Variants in COPB1 observed in about 807,000 individuals in gnomAD.
COPB1 encodes the protein coat protein complex I subunit beta 1.
A neutral mutation model predicts 108.7 loss-of-function variants in COPB1; 21 were observed. The observed-to-expected ratio is 0.19, with a 90% CI of 0.14 to 0.28. The LOEUF is 0.28. Ranked by LOEUF, COPB1 falls within the 10% of genes least tolerant of loss-of-function variation. The pLI is 1.00. For missense variants in COPB1, 919 were observed against 1,141.3 expected (o/e 0.81, Z 2.81); for synonymous variants, 378 against 386.8 (o/e 0.98, Z 0.27).
At chr11:14,486,223 T>A (rs944597980) in intron 7 of COPB1, 144 bp downstream of exon 7, 1 of 923,136 alleles carries the variant, frequency 1.1e-6, no homozygotes, top group Non-Finnish European at 1.7e-6. Context: ...GGCTGAACAA[T>A]GTAAGGCATC....
At chr11:14,478,240 T>A (rs755824224) in intron 11 of COPB1, among the ~76,000 whole-genome samples, 5 of 151,758 alleles carry the variant, frequency 3.3e-5, no homozygotes, top group Non-Finnish European at 7.4e-5. Context: ...TAGGACACAG[T>A]GAAGGCAAAT....
chr11:14,481,542 C>G (rs1850658892), intron 8 of COPB1, among the ~76,000 whole-genome samples: 1 of 152,106 alleles, frequency 6.6e-6, no homozygotes, highest in Admixed American at 6.5e-5. Flanking sequence ...TACATGGTCA[C>G]AAAATGGGCA....
At chr11:14,471,055 A>C (rs1850392385) in intron 14 of COPB1, among the ~76,000 whole-genome samples, 1 of 152,142 alleles carries the variant, frequency 6.6e-6, no homozygotes, top group Non-Finnish European at 1.5e-5. Context: ...AAAACAGAAG[A>C]CTTAGAATCC....
At position 14,475,882 on chromosome 11, in the gene COPB1, T is replaced by C. The variant is rs770362933; in HGVS notation, c.1519A>G (p.Thr507Ala). The stretch of plus-strand genomic sequence containing the variant: ...ACCAATTTCTGAACTGGCCCTACAG[T>C]TATTTCTTCTTCAGGTTTTAATTCA... ...AGELKPEEEI[T>A]VGPVQKLVTE... Residue 507 changes from threonine to alanine, a missense_variant, in exon 13 of 22, where the codon ACT becomes GCT. Thr to Ala is a moderately conservative substitution (Grantham distance 58, BLOSUM62 0). Transcript: ENST00000439561. The C allele has an allele frequency of 1.9e-6, 3 of 1,612,910 alleles. No homozygotes were observed. Among genetic ancestry groups the C allele is most frequent in the East Asian group, 2.2e-5 (1 of 44,846 alleles).
chr11:14,492,531 C>T (rs958742463), intron 4 of COPB1, among the ~76,000 whole-genome samples: 2 of 151,236 alleles, frequency 1.3e-5, no homozygotes, highest in Admixed American at 6.6e-5. Context: ...TTAGTAGAGA[C>T]GGGGTTTCTC....
At chr11:14,481,842 G>A (rs893954216) in intron 8 of COPB1, among the ~76,000 whole-genome samples, 2 of 152,022 alleles carry the variant, frequency 1.3e-5, no homozygotes, top group African/African-American at 2.4e-5. Context: ...AGGCTGGAGT[G>A]CAGTGGCAAG....
intron 8 of COPB1, 131 bp downstream of exon 8, chr11:14,482,901 A>G: frequency 2.7e-6 from 2 of 738,630 alleles, no homozygotes; most frequent in Non-Finnish European, 4.1e-6. Context: ...AATAGTTAAC[A>G]CTTTAGCTGA....
At position 14,479,712 on chromosome 11, in the gene COPB1, T is replaced by C. The variant is rs1228509739; in HGVS notation, c.1215A>G (p.Leu405=). ...PDMAANVIPV[L]MEFLSDNNEA... ...CGTTGTTGTCACTGAGAAATTCCAT[T>C]AACTAAAAGAAAAAAAAAAAAAAGA... Residue 405 remains leucine, a splice_region_variant and synonymous_variant, in exon 11 of 22, where the codon TTA becomes TTG. Transcript: ENST00000439561. The C allele has an allele frequency of 6.5e-7, 1 of 1,533,000 alleles. No individual in the cohort carries two copies. Among genetic ancestry groups the C allele is most frequent in the Admixed American group, 2.2e-5 (1 of 44,540 alleles). 95.0% of individuals were successfully genotyped at this position (1,533,000 alleles called of 1,614,324 possible).
chr11:14,459,347 A>G (rs1281282433), intron 20 of COPB1, among the ~76,000 whole-genome samples: 1 of 152,244 alleles, frequency 6.6e-6, no homozygotes, highest in Non-Finnish European at 1.5e-5. Context: ...AAACTAATAT[A>G]TAAATTAAAA....
intron 5 of COPB1, 76 bp downstream of exon 5, chr11:14,490,489 C>A (rs1850873628): frequency 2.6e-6 from 2 of 777,448 alleles, no homozygotes; most frequent in East Asian, 3.0e-5. Flanking sequence ...TGACTAAAAA[C>A]ATGATTAAGT....
At chr11:14,470,413 C>G (rs1210923576) in intron 14 of COPB1, among the ~76,000 whole-genome samples, 1 of 152,166 alleles carries the variant, frequency 6.6e-6, no homozygotes, top group Non-Finnish European at 1.5e-5. Flanking sequence ...TTATACTGCA[C>G]CAATCATTTC....
At chr11:14,469,216 C>CA (rs1850352173) in intron 15 of COPB1, 120 bp downstream of exon 15, 3 of 827,320 alleles carry the variant, frequency 3.6e-6, no homozygotes, top group Non-Finnish European at 6.0e-6. Context: ...ACACTGGTCT[C>CA]AAACACCTGG....
intron 7 of COPB1, among the ~76,000 whole-genome samples, chr11:14,484,673 C>G (rs1850732634): frequency 6.6e-6 from 1 of 152,014 alleles, no homozygotes; most frequent in Non-Finnish European, 1.5e-5. Flanking sequence ...AGCCAAGATC[C>G]CACCAGTATC....
intron 14 of COPB1, among the ~76,000 whole-genome samples, chr11:14,470,231 T>TTA (rs2134101733): frequency 6.6e-6 from 1 of 152,342 alleles, no homozygotes; most frequent in East Asian, 1.9e-4. Flanking sequence ...CGCACTAACT[T>TTA]TTTTAAAGAA....
At chr11:14,472,147 T>G (rs1161905365) in intron 14 of COPB1, among the ~76,000 whole-genome samples, 2 of 152,186 alleles carry the variant, frequency 1.3e-5, no homozygotes. Flanking sequence ...CCACAAATGT[T>G]CTATGGATTC....
At chr11:14,484,668 A>G (rs543901643) in intron 7 of COPB1, among the ~76,000 whole-genome samples, 5 of 152,346 alleles carry the variant, frequency 3.3e-5, no homozygotes, top group African/African-American at 1.2e-4. Flanking sequence ...CAGTGAGCCA[A>G]GATCCCACCA....
At chr11:14,471,825 G>A (rs10832277) in intron 14 of COPB1, among the ~76,000 whole-genome samples, 49,947 of 152,068 alleles carry the variant, frequency 0.33, 9,288 homozygotes, top group South Asian at 0.44. Flanking sequence ...GGGAGGCTGA[G>A]CCAGGAGAAT....
Position 14,479,470 on chromosome 11 carries a change from A to T in COPB1, c.1358+99T>A, listed in dbSNP as rs1033418217. 3.3e-6 allele frequency: 4 copies of T among 1,194,798 alleles called. No homozygotes were observed. The African/African-American group carries it at 6.1e-5, about 18-fold the overall frequency. 74.0% of individuals were successfully genotyped at this position (1,194,798 alleles called of 1,614,324 possible). A position where few individuals can be genotyped will look rare whatever the true frequency, so the allele number is the denominator to read the frequency against. ...TACAAACTTGTCTTATTTTGGCTTG[A>T]TTGTCCTCTCCATTCTATTTTCTAT... On this transcript the variant is annotated intron_variant, in intron 11 of 21. Coordinates refer to ENST00000439561, the MANE Select transcript of COPB1 (RefSeq NM_001144061.2).
In COPB1 at chr11:14,468,877, A is replaced by G; in HGVS notation, c.1966-17T>C. ...AGATTCTTTCTGTGTTGAGAATATA[A>G]CAAAGTCTCTCTTTAATATGAAAAG... is the stretch of plus-strand genomic sequence containing the variant. On this transcript the variant is annotated splice_polypyrimidine_tract_variant and intron_variant, in intron 15 of 21. Coordinates refer to ENST00000439561, the MANE Select transcript of COPB1 (RefSeq NM_001144061.2). 1.2e-6 allele frequency: 2 copies of G among 1,603,120 alleles called. No homozygotes were observed. Among genetic ancestry groups the G allele is most frequent in the South Asian group, 1.1e-5 (1 of 89,820 alleles).
Sources: allele counts gnomAD v4.1 joint callset (sites outside exome capture counted in the v4.1 genomes callset), GRCh38; gene constraint gnomAD v4.1.1; transcripts MANE v1.5; gene names NCBI Gene and HGNC (gene_info 2026-07-23, HGNC 2026-07-21).